Variants in GALNTL6 observed in about 807,000 individuals in gnomAD.
GALNTL6 encodes the protein polypeptide N-acetylgalactosaminyltransferase-like 6.
A neutral mutation model predicts 73.7 loss-of-function variants in GALNTL6; 46 were observed. The observed-to-expected ratio is 0.62, with a 90% CI of 0.49 to 0.80. The LOEUF is 0.80. GALNTL6 is among the 30% of genes least tolerant of loss of function. The pLI, the probability that GALNTL6 is intolerant of heterozygous loss-of-function variation, is 0.00. For missense variants in GALNTL6, 604 were observed against 755.0 expected (o/e 0.80, Z 2.34); for synonymous variants, 259 against 263.7 (o/e 0.98, Z 0.17).
intron 5 of GALNTL6, among the ~76,000 whole-genome samples, chr4:172,761,268 T>G (rs570546095): frequency 6.6e-6 from 1 of 152,284 alleles, no homozygotes; most frequent in African/African-American, 2.4e-5. Flanking sequence ...GAAAACTTTA[T>G]GGAGGATGTA....
At chr4:172,156,002 G>A (rs565715394) in intron 2 of GALNTL6, among the ~76,000 whole-genome samples, 1 of 152,146 alleles carries the variant, frequency 6.6e-6, no homozygotes, top group Non-Finnish European at 1.5e-5. Flanking sequence ...CTCTTGTATC[G>A]GTTGGAACCC....
intron 2 of GALNTL6, among the ~76,000 whole-genome samples, chr4:172,053,286 A>T (rs1230419331): frequency 6.6e-6 from 1 of 150,822 alleles, no homozygotes; most frequent in African/African-American, 2.4e-5. Context: ...GTTTTTTTAA[A>T]AAAAACACAA....
chr4:172,330,588 G>C (rs1426077748), intron 4 of GALNTL6, among the ~76,000 whole-genome samples: 1 of 152,176 alleles, frequency 6.6e-6, no homozygotes, highest in African/African-American at 2.4e-5. Context: ...GCAGCTTCTA[G>C]TCAGCCATCT....
intron 2 of GALNTL6, among the ~76,000 whole-genome samples, chr4:171,994,030 T>C (rs974715637): frequency 6.6e-6 from 1 of 152,114 alleles, no homozygotes. Context: ...AAGAAGTGTC[T>C]TCATCCCTTT....
At chr4:172,987,958 A>G (rs1579747917) in intron 10 of GALNTL6, among the ~76,000 whole-genome samples, 1 of 152,312 alleles carries the variant, frequency 6.6e-6, no homozygotes, top group East Asian at 1.9e-4. Context: ...ACCCAGTTTC[A>G]GGTATTTATT....
At chr4:172,824,361 AGT>A (rs200060660) in intron 7 of GALNTL6, among the ~76,000 whole-genome samples, 3 of 119,650 alleles carry the variant, frequency 2.5e-5, no homozygotes, top group African/African-American at 4.6e-5. Context: ...TCCATGGTAT[AGT>A]GTGTGTGTGT....
intron 3 of GALNTL6, among the ~76,000 whole-genome samples, chr4:172,241,736 T>A (rs1387773589): frequency 6.6e-6 from 1 of 152,182 alleles, no homozygotes; most frequent in Non-Finnish European, 1.5e-5. Context: ...GATTTCTCCT[T>A]CTTATGAGTA....
chr4:171,973,858 T>G (rs1460067535), intron 2 of GALNTL6, among the ~76,000 whole-genome samples: 1 of 152,184 alleles, frequency 6.6e-6, no homozygotes, highest in Non-Finnish European at 1.5e-5. Context: ...TTGTAAGCAT[T>G]TACTCTTTCA....
At chr4:172,998,909 C>T (rs1201250098) in intron 10 of GALNTL6, among the ~76,000 whole-genome samples, 2 of 151,408 alleles carry the variant, frequency 1.3e-5, no homozygotes, top group African/African-American at 2.4e-5. Context: ...TCAATTCTTA[C>T]TCATACGTGG....
At chr4:172,135,937 T>G (rs937171690) in intron 2 of GALNTL6, among the ~76,000 whole-genome samples, 13 of 152,152 alleles carry the variant, frequency 8.5e-5, no homozygotes, top group African/African-American at 3.1e-4. Flanking sequence ...CTTTAAAAAT[T>G]TTTAAAAGAC....
At chr4:172,600,206 C>T (rs1579229214) in intron 5 of GALNTL6, among the ~76,000 whole-genome samples, 1 of 151,970 alleles carries the variant, frequency 6.6e-6, no homozygotes, top group South Asian at 2.1e-4. Context: ...CAGAGAATAA[C>T]TAGCACCATA....
chr4:172,423,358 C>T lies in GALNTL6; in HGVS notation c.553+74669C>T, dbSNP rs1052849870. On this transcript the variant is annotated intron_variant, in intron 5 of 12. Transcript: ENST00000506823. Reference sequence around the variant, plus strand: ...CTTATGGTGATCCATTTGGCATTACCTAATTTGCCCCCTTTTTTTAATTAA... The same window carrying T: ...CTTATGGTGATCCATTTGGCATTACTTAATTTGCCCCCTTTTTTTAATTAA... 1.3e-5 allele frequency among the ~76,000 whole-genome samples: 2 copies of T among 151,930 alleles called. 1 individual carries two copies. The highest frequency in any genetic ancestry group is 1.3e-4 in the Admixed American group (2 of 15,236).
intron 5 of GALNTL6, among the ~76,000 whole-genome samples, chr4:172,747,757 A>G (rs1737189433): frequency 6.6e-6 from 1 of 151,964 alleles, no homozygotes; most frequent in African/African-American, 2.4e-5. Flanking sequence ...TAAGATATGG[A>G]AAAACCCAAA....
chr4:172,214,730 G>C (rs1276674363), intron 2 of GALNTL6, among the ~76,000 whole-genome samples: 2 of 151,988 alleles, frequency 1.3e-5, no homozygotes, highest in African/African-American at 4.8e-5. Context: ...GGTCAGGCTG[G>C]TCTTGAACTC....
At position 172,156,146 on chromosome 4, in the gene GALNTL6, T is replaced by C. The variant is rs375882213; in HGVS notation, c.139-73510T>C. On this transcript the variant is annotated intron_variant, in intron 2 of 12. Transcript: ENST00000506823. ...GGACGGGGCAGGGGTTTTATAGTCC[T>C]CTGTAAACAGGAAGTGTCCGAGTCT... Among the ~76,000 whole-genome samples the C allele has an allele frequency of 2.1e-4, 32 of 152,138 alleles. No homozygotes were observed. In the East Asian group the frequency reaches 6.2e-3, roughly 30 times the overall value.
At chr4:172,514,884 CT>C (rs1268654155) in intron 5 of GALNTL6, among the ~76,000 whole-genome samples, 2 of 152,146 alleles carry the variant, frequency 1.3e-5, no homozygotes, top group Admixed American at 6.5e-5. Flanking sequence ...TTCAGGCTTC[CT>C]AGTAAGGATG....
chr4:172,788,671 C>CA (rs36046571), intron 5 of GALNTL6, among the ~76,000 whole-genome samples: 37,936 of 78,096 alleles, frequency 0.49, 9,367 homozygotes, highest in East Asian at 0.71. Context: ...GACTCCGTCT[C>CA]AAAAAAAAAA....
intron 2 of GALNTL6, among the ~76,000 whole-genome samples, chr4:172,154,393 C>T (rs369290961): frequency 6.6e-6 from 1 of 151,854 alleles, no homozygotes; most frequent in East Asian, 1.9e-4. Context: ...CCACCACGCC[C>T]GGCTAATTTT....
At chr4:172,103,037 A>G (rs1171238896) in intron 2 of GALNTL6, among the ~76,000 whole-genome samples, 1 of 152,188 alleles carries the variant, frequency 6.6e-6, no homozygotes, top group Non-Finnish European at 1.5e-5. Context: ...CCTAGGAATA[A>G]AGGTTCATGG....
Sources: gnomAD v4.1 joint callset for allele counts (sites outside exome capture counted in the v4.1 genomes callset) on GRCh38, gnomAD v4.1.1 for gene constraint, MANE v1.5 for transcripts, NCBI Gene and HGNC (gene_info 2026-07-23, HGNC 2026-07-21) for gene names.